The following DENND4A variants were observed in gnomAD, a reference collection of about 807,000 sequenced individuals.
The protein encoded by DENND4A is C-myc promoter-binding protein.
A neutral mutation model predicts 199.3 loss-of-function variants in DENND4A; 70 were observed. The ratio of observed to expected loss-of-function variants is 0.35; its 90% CI spans 0.29 to 0.43. The LOEUF (loss-of-function observed/expected upper bound fraction) is 0.43. Among genes scored for constraint, DENND4A ranks in the 20% least tolerant of loss-of-function variants. The pLI is 1.00. For missense variants in DENND4A, 1,723 were observed against 2,255.8 expected, an observed-to-expected ratio of 0.76 and a Z score of 4.78; for synonymous variants, 686 against 766.9, an observed-to-expected ratio of 0.89 and a Z score of 1.74.
intron 1 of DENND4A, among the ~76,000 whole-genome samples, chr15:65,769,103 A>G (rs2140861439): frequency 6.6e-6 from 1 of 151,746 alleles, no homozygotes; most frequent in Middle Eastern, 3.4e-3. Context: ...AAATGATTAC[A>G]AAGTCGGATA....
At chr15:65,748,444 C>A (rs2076470771) in intron 4 of DENND4A, among the ~76,000 whole-genome samples, 2 of 151,564 alleles carry the variant, frequency 1.3e-5, no homozygotes, top group South Asian at 4.2e-4. Flanking sequence ...AAAATAAGAC[C>A]CAATATCTAC....
intron 22 of DENND4A, among the ~76,000 whole-genome samples, chr15:65,695,482 T>C (rs1020166869): frequency 2.6e-5 from 4 of 152,222 alleles, no homozygotes; most frequent in African/African-American, 7.2e-5. Context: ...AGTATAATAA[T>C]AGGCTTCAGG....
intron 12 of DENND4A, among the ~76,000 whole-genome samples, chr15:65,718,228 GA>G (rs962610187): frequency 1.3e-5 from 2 of 150,142 alleles, no homozygotes; most frequent in African/African-American, 2.4e-5. Flanking sequence ...CTACCACCAG[GA>G]AAAAAAAAGC....
At chr15:65,738,386 T>C (rs2076169252) in intron 6 of DENND4A, among the ~76,000 whole-genome samples, 1 of 152,132 alleles carries the variant, frequency 6.6e-6, no homozygotes, top group Admixed American at 6.5e-5. Context: ...CTTCCAACTA[T>C]CATGTCTATA....
At chr15:65,718,760 C>CTTTTTTTTTTTTTTTTTTTTTTT (rs1038227560) in intron 12 of DENND4A, among the ~76,000 whole-genome samples, 2 of 67,740 alleles carry the variant, frequency 3.0e-5, no homozygotes, top group Non-Finnish European at 3.0e-5. Context: ...GTTTTTTTTC[C>CTTTTTTTTTTTTTTTTTTTTTTT]TTTTTTTTTT....
Position 65,752,453 on chromosome 15 carries a change from T to C in DENND4A, c.487A>G (p.Ile163Val), listed in dbSNP as rs748909883. Residue 163 changes from isoleucine to valine, a missense_variant, in exon 4 of 33, where the codon ATT becomes GTT. Ile to Val is a conservative substitution (Grantham distance 29, BLOSUM62 3). Around this residue, in one of 6 missense-constraint regions of DENND4A, gnomAD observed 725 missense variants for 952.9 expected, o/e 0.76. Coordinates refer to ENST00000443035, the MANE Select transcript of DENND4A (RefSeq NM_001320835.1). Reference sequence around the variant, plus strand: ...CTTTCTCCTTTACTGGGTATAATAATACATATGTCAGTGACAGCCAACGTA... The same window carrying C: ...CTTTCTCCTTTACTGGGTATAATAACACATATGTCAGTGACAGCCAACGTA... ...QNTLAVTDIC[I>V]IIPSKGESPP... 4 of 1,613,754 alleles carry C rather than the reference T, an allele frequency of 2.5e-6. No homozygotes were observed. Among genetic ancestry groups the C allele is most frequent in the Non-Finnish European group, 3.4e-6 (4 of 1,179,770 alleles).
chr15:65,714,388 G>A (rs1435894188), intron 14 of DENND4A, among the ~76,000 whole-genome samples: 1 of 150,502 alleles, frequency 6.6e-6, no homozygotes, highest in Non-Finnish European at 1.5e-5. Flanking sequence ...ACTCCAGCCT[G>A]GGTGACAGAG....
chr15:65,741,133 G>C (rs995862363), intron 5 of DENND4A, among the ~76,000 whole-genome samples: 2 of 152,054 alleles, frequency 1.3e-5, no homozygotes, highest in Non-Finnish European at 2.9e-5. Flanking sequence ...GCCCAGGCTG[G>C]TCTTGAACTC....
intron 15 of DENND4A, among the ~76,000 whole-genome samples, chr15:65,704,697 T>C (rs756397198): frequency 1.3e-5 from 2 of 152,142 alleles, no homozygotes; most frequent in Non-Finnish European, 2.9e-5. Flanking sequence ...TTCAAGAAAT[T>C]GTCCTGCCTC....
At chr15:65,696,899 G>T in intron 21 of DENND4A, 2 of 327,258 alleles carry the variant, frequency 6.1e-6, no homozygotes, top group Non-Finnish European at 1.2e-5. Context: ...AAACATGGAT[G>T]AATACCCAAT....
intron 1 of DENND4A, among the ~76,000 whole-genome samples, chr15:65,774,733 C>T (rs1402327755): frequency 6.6e-6 from 1 of 151,654 alleles, no homozygotes; most frequent in Non-Finnish European, 1.5e-5. Flanking sequence ...GCTATTTTCT[C>T]TAAAATTATA....
rs1410758829 is a variant in DENND4A at position 65,702,314 on chromosome 15, T to C, written c.2421A>G (p.Pro807=). The change falls in exon 17 of 33, where the codon CCA becomes CCG. Residue 807 remains proline, a synonymous_variant. Transcript: ENST00000443035. The part of the protein sequence containing the change: ...LKKMQSKKMD[P]PDEVCYRILM... ...ATAAAATAATTGTTACCTCATCAGG[T>C]GGATCCATCTTCTTTGACTGCATTT... The C allele has an allele frequency of 1.9e-6, 3 of 1,551,312 alleles. No individual in the cohort carries two copies. The South Asian group carries it at 3.6e-5, about 18-fold the overall frequency.
In DENND4A at chr15:65,729,079, T is replaced by C. The variant is rs769564829; in HGVS notation, c.1480A>G (p.Ile494Val). 34 of 1,582,450 alleles carry C rather than the reference T, an allele frequency of 2.1e-5. No individual in the cohort carries two copies. The highest frequency in any genetic ancestry group is 1.6e-4 in the East Asian group (7 of 44,054). Residue 494 changes from isoleucine (I) to valine (V), a missense_variant, in exon 11 of 33, where the codon ATT (isoleucine) becomes GTT (valine). Coordinates refer to ENST00000443035, the MANE Select transcript of DENND4A (RefSeq NM_001320835.1). ...VSCVDVDTNTISQIGDKKNVA... is the reference protein window; with the variant it reads ...VSCVDVDTNTVSQIGDKKNVA... ...TCACTAAAATGTACTTACTGAGAAA[T>C]AGTGTTGGTATCTACATCAACACAA...
Position 65,737,695 on chromosome 15 carries a change from C to T in DENND4A, c.1040+12G>A, listed in dbSNP as rs1423503603. 2 of 1,557,342 alleles carry T rather than the reference C, an allele frequency of 1.3e-6. No homozygotes were observed. Among genetic ancestry groups the T allele is most frequent in the East Asian group, 2.4e-5 (1 of 41,752 alleles). On this transcript the variant is annotated intron_variant, in intron 7 of 32. Transcript: ENST00000443035. ...GATCTGTCAAATGTTGAACCAAGAA[C>T]ACTTAACTTACTTCTCAATTGGAAG...
In DENND4A at chr15:65,729,166, GA is replaced by G; in HGVS notation, c.1392del (p.Pro465HisfsTer3). 1 of 1,590,322 alleles carries G rather than the reference GA, an allele frequency of 6.3e-7. No homozygotes were observed. Among genetic ancestry groups the G allele is most frequent in the Non-Finnish European group, 8.6e-7 (1 of 1,167,310 alleles). On this transcript the variant is annotated frameshift_variant, in exon 11 of 33. Coordinates refer to ENST00000443035, the MANE Select transcript of DENND4A (RefSeq NM_001320835.1). LOFTEE classifies it high-confidence loss of function. ...LALADVLSAP[C>X]PFIVGIDSRY... ...CTTGAATCAATCCCTACTATGAATG[GA>G]CATGGTGCACTCAAGACATCTGCTA...
intron 1 of DENND4A, chr15:65,771,842 C>G: frequency 6.8e-6 from 11 of 1,612,756 alleles, no homozygotes; most frequent in Admixed American, 1.7e-5. Flanking sequence ...TTACTTAAAA[C>G]AGCATAAGCA....
At chr15:65,763,915 T>C (rs926204340) in intron 1 of DENND4A, among the ~76,000 whole-genome samples, 11 of 152,244 alleles carry the variant, frequency 7.2e-5, no homozygotes, top group African/African-American at 1.7e-4. Context: ...TTGCTGACAA[T>C]TGGCAATGAA....
At chr15:65,775,497 C>T (rs991177692) in intron 1 of DENND4A, among the ~76,000 whole-genome samples, 3 of 150,774 alleles carry the variant, frequency 2.0e-5, no homozygotes, top group South Asian at 2.1e-4. Flanking sequence ...AAAAATTAGC[C>T]GGGTGTGGTG....
chr15:65,781,868 T>A (rs2077443997), intron 1 of DENND4A, among the ~76,000 whole-genome samples: 1 of 152,158 alleles, frequency 6.6e-6, no homozygotes, highest in Non-Finnish European at 1.5e-5. Context: ...GAAACACCAC[T>A]GTTTATGGGA....
Sources: gnomAD v4.1 joint callset for allele counts (sites outside exome capture counted in the v4.1 genomes callset) on GRCh38, gnomAD v4.1.1 for gene constraint, gnomAD v4.1.1 regional missense constraint, MANE v1.5 for transcripts, NCBI Gene and HGNC (gene_info 2026-07-23, HGNC 2026-07-21) for gene names.